The following NCAM2 variants were observed in gnomAD, a reference collection of about 807,000 sequenced individuals.
NCAM2 encodes neural cell adhesion molecule 2.
Under a neutral mutation model 98.1 loss-of-function variants are expected in NCAM2, and 30 were observed. That is an observed-to-expected ratio of 0.31 (90% CI 0.23 to 0.41). The LOEUF (loss-of-function observed/expected upper bound fraction) is 0.41, where lower values mean the gene tolerates loss of function less well. Among genes scored for constraint, NCAM2 ranks in the 10% least tolerant of loss-of-function variants. The pLI, the probability that NCAM2 is intolerant of heterozygous loss-of-function variation, is 1.00. For missense variants in NCAM2, 867 were observed against 1,005.8 expected (o/e 0.86, Z 1.87); for synonymous variants, 368 against 342.4 (o/e 1.07, Z -0.83).
At position 21,065,558 on chromosome 21, in the gene NCAM2, T is replaced by C. The variant is rs76367596; in HGVS notation, c.55+66940T>C. ...ATAGGTGAATCTTCTTTACGTTGTG[T>C]TTTTAATCATGTAAGTATCTCGTCA... On this transcript the variant is annotated intron_variant, in intron 1 of 17. Coordinates refer to ENST00000400546, the MANE Select transcript of NCAM2 (RefSeq NM_004540.5). Among the ~76,000 whole-genome samples, 610 of 152,278 alleles carry C rather than the reference T, an allele frequency of 4.0e-3. 3 individuals are homozygous for C. Among genetic ancestry groups the C allele is most frequent in the African/African-American group, 0.014 (587 of 41,560 alleles).
chr21:21,137,073 T>G (rs1337198495), intron 1 of NCAM2, among the ~76,000 whole-genome samples: 1 of 151,980 alleles, frequency 6.6e-6, no homozygotes, highest in East Asian at 1.9e-4. Context: ...CAGGGACTCC[T>G]GGCCTCAAGG....
At chr21:21,247,025 T>TAA (rs34365790) in intron 1 of NCAM2, among the ~76,000 whole-genome samples, 14,677 of 151,736 alleles carry the variant, frequency 0.097, 1,488 homozygotes, top group East Asian at 0.51. Context: ...TTAATATGTT[T>TAA]AAAAAAAATT....
intron 1 of NCAM2, among the ~76,000 whole-genome samples, chr21:21,086,445 A>T (rs1412985856): frequency 6.6e-6 from 1 of 152,198 alleles, no homozygotes; most frequent in Non-Finnish European, 1.5e-5. Flanking sequence ...GGACTATATG[A>T]TTGGCAGAAT....
chr21:21,393,089 T>A lies in NCAM2; in HGVS notation c.1196-17185T>A, dbSNP rs1602202925. Among the ~76,000 whole-genome samples the A allele has an allele frequency of 2.6e-5, 4 of 152,148 alleles. No homozygotes were observed. The South Asian group carries it at 8.3e-4, about 31-fold the overall frequency. On this transcript the variant is annotated intron_variant, in intron 9 of 17. Coordinates refer to ENST00000400546, the MANE Select transcript of NCAM2 (RefSeq NM_004540.5). ...TTTTTATACTTTTGGGATTTACATATAAGTCTTTCATCCATCTTGAGTTAA... is the reference window on the plus strand; with the variant it reads ...TTTTTATACTTTTGGGATTTACATAAAAGTCTTTCATCCATCTTGAGTTAA...
chr21:21,325,519 T>G (rs2074489234), intron 6 of NCAM2, among the ~76,000 whole-genome samples: 3 of 152,204 alleles, frequency 2.0e-5, no homozygotes, highest in African/African-American at 7.2e-5. Context: ...AGACACTAAT[T>G]TTCTTGGGAC....
At chr21:21,451,825 C>G (rs1981114483) in intron 12 of NCAM2, among the ~76,000 whole-genome samples, 1 of 152,084 alleles carries the variant, frequency 6.6e-6, no homozygotes, top group South Asian at 2.1e-4. Flanking sequence ...ATCTTCATCT[C>G]CACAGTTTAT....
intron 9 of NCAM2, among the ~76,000 whole-genome samples, chr21:21,375,945 G>T (rs902239171): frequency 2.6e-5 from 4 of 151,760 alleles, no homozygotes; most frequent in Non-Finnish European, 5.9e-5. Flanking sequence ...TCTGTTGCAG[G>T]TCCTCAGAAA....
At chr21:21,155,996 C>T (rs908212032) in intron 1 of NCAM2, among the ~76,000 whole-genome samples, 1 of 151,908 alleles carries the variant, frequency 6.6e-6, no homozygotes, top group Non-Finnish European at 1.5e-5. Flanking sequence ...GTGGAAGGTT[C>T]TTCTTACTTC....
chr21:21,206,660 A>G (rs765506486), intron 1 of NCAM2, among the ~76,000 whole-genome samples: 2 of 152,150 alleles, frequency 1.3e-5, no homozygotes, highest in Non-Finnish European at 2.9e-5. Context: ...TCTGCGACAT[A>G]AAATTACATG....
At chr21:21,218,446 C>T (rs113517195) in intron 1 of NCAM2, among the ~76,000 whole-genome samples, 2 of 152,150 alleles carry the variant, frequency 1.3e-5, no homozygotes, top group African/African-American at 4.8e-5. Flanking sequence ...CCAAAGATGT[C>T]CATGTGTCTG....
chr21:21,369,190 T>G (rs923797883), intron 8 of NCAM2, among the ~76,000 whole-genome samples: 1 of 151,846 alleles, frequency 6.6e-6, no homozygotes, highest in Non-Finnish European at 1.5e-5. Flanking sequence ...TTGCCTATTC[T>G]GGAAATTTCA....
At chr21:21,346,541 A>T (rs1283473641) in intron 8 of NCAM2, among the ~76,000 whole-genome samples, 1 of 152,060 alleles carries the variant, frequency 6.6e-6, no homozygotes, top group Non-Finnish European at 1.5e-5. Flanking sequence ...GATCTGGTAG[A>T]TGTTTATAGA....
intron 1 of NCAM2, among the ~76,000 whole-genome samples, chr21:21,088,770 A>T (rs1298693233): frequency 2.0e-5 from 3 of 152,106 alleles, no homozygotes; most frequent in Non-Finnish European, 4.4e-5. Flanking sequence ...AGGCAGGCGG[A>T]TCACGAGGTC....
At chr21:21,450,794 A>G (rs1217785275) in intron 12 of NCAM2, among the ~76,000 whole-genome samples, 1,052 of 9,244 alleles carry the variant, frequency 0.11, 13 homozygotes, top group African/African-American at 0.19. Flanking sequence ...ATGTATGTAT[A>G]CACACACACA....
intron 1 of NCAM2, among the ~76,000 whole-genome samples, chr21:21,239,669 G>A (rs2070988588): frequency 6.6e-6 from 1 of 151,928 alleles, no homozygotes; most frequent in Non-Finnish European, 1.5e-5. Flanking sequence ...CTAAAAGGTG[G>A]AATTTTTTTT....
intron 5 of NCAM2, among the ~76,000 whole-genome samples, chr21:21,302,545 A>G (rs2073751669): frequency 6.6e-6 from 1 of 152,170 alleles, no homozygotes; most frequent in Non-Finnish European, 1.5e-5. Context: ...AATCAAAACC[A>G]CAATGAGATA....
At chr21:21,319,029 G>A (rs908498349) in intron 5 of NCAM2, among the ~76,000 whole-genome samples, 1 of 151,918 alleles carries the variant, frequency 6.6e-6, no homozygotes, top group African/African-American at 2.4e-5. Flanking sequence ...CAGGAGTACT[G>A]CTTGAGCCCA....
chr21:21,509,179 C>A, intron 16 of NCAM2, 124 bp downstream of exon 16: 1 of 785,128 alleles, frequency 1.3e-6, no homozygotes, highest in Non-Finnish European at 2.0e-6. Context: ...CAACATTGGA[C>A]ACTGCACTGC....
intron 6 of NCAM2, among the ~76,000 whole-genome samples, chr21:21,327,505 C>T (rs2074550991): frequency 6.6e-6 from 1 of 151,824 alleles, no homozygotes; most frequent in Non-Finnish European, 1.5e-5. Context: ...ATCTTAGATT[C>T]GCAGGTTTGT....
Sources: gnomAD v4.1 joint callset for allele counts (sites outside exome capture counted in the v4.1 genomes callset) on GRCh38, gnomAD v4.1.1 for gene constraint, MANE v1.5 for transcripts, NCBI Gene and HGNC (gene_info 2026-07-23, HGNC 2026-07-21) for gene names.